GMDS: variants seen among roughly 807,000 people sequenced by gnomAD.
GMDS encodes the protein GDP-mannose 4,6-dehydratase.
GMDS carries 20 observed loss-of-function variants against 49.9 expected under a neutral mutation model. The ratio of observed to expected loss-of-function variants is 0.40; its 90% CI spans 0.28 to 0.58. The LOEUF (loss-of-function observed/expected upper bound fraction) is 0.58. Among genes scored for constraint, GMDS ranks in the 20% least tolerant of loss-of-function variants. The pLI, the probability that GMDS is intolerant of heterozygous loss-of-function variation, is 0.42. For synonymous variants in GMDS, 177 were observed against 178.6 expected, an observed-to-expected ratio of 0.99 and a Z score of 0.07; for missense variants, 362 against 481.4, an observed-to-expected ratio of 0.75 and a Z score of 2.32.
chr6:1,937,549 T>C (rs1321287304), intron 6 of GMDS, among the ~76,000 whole-genome samples: 1 of 152,196 alleles, frequency 6.6e-6, no homozygotes, highest in Non-Finnish European at 1.5e-5. Context: ...TTCGAGAATA[T>C]CTACAGGAGA....
chr6:2,244,829 G>A (rs1414284582), intron 1 of GMDS, among the ~76,000 whole-genome samples: 1 of 152,132 alleles, frequency 6.6e-6, no homozygotes, highest in Non-Finnish European at 1.5e-5. Context: ...TTTCTATCTG[G>A]AAATCCGGTG....
At chr6:2,197,480 G>A (rs902489244) in intron 1 of GMDS, among the ~76,000 whole-genome samples, 5 of 152,202 alleles carry the variant, frequency 3.3e-5, no homozygotes, top group African/African-American at 1.2e-4. Context: ...GTGGTCCCAA[G>A]TAAGTTGCTA....
intron 7 of GMDS, among the ~76,000 whole-genome samples, chr6:1,800,184 C>T (rs1331631901): frequency 6.6e-6 from 1 of 152,020 alleles, no homozygotes; most frequent in African/African-American, 2.4e-5. Flanking sequence ...ATTTAGGTTT[C>T]CAAGGTGAAT....
Position 1,696,012 on chromosome 6 carries a change from T to C in GMDS, c.987+30404A>G, listed in dbSNP as rs561459997. On this transcript the variant is annotated intron_variant, in intron 9 of 10. Transcript: ENST00000380815. Reference sequence around the variant, plus strand: ...CAAGTTGAACCCACGTGGACCAGCTTTGACGATGAAGCTACAGGCAGCCAA... The same window carrying C: ...CAAGTTGAACCCACGTGGACCAGCTCTGACGATGAAGCTACAGGCAGCCAA... 8.0e-4 allele frequency among the ~76,000 whole-genome samples: 121 copies of C among 151,796 alleles called. 1 individual carries two copies. Among genetic ancestry groups the C allele is most frequent in the Non-Finnish European group, 1.5e-3 (100 of 67,930 alleles).
chr6:1,793,087 C>T (rs746884572), intron 7 of GMDS, among the ~76,000 whole-genome samples: 6 of 152,008 alleles, frequency 3.9e-5, no homozygotes, highest in Non-Finnish European at 7.4e-5. Context: ...TTTCTTGATG[C>T]CCTTTCCCTA....
intron 4 of GMDS, among the ~76,000 whole-genome samples, chr6:2,108,348 A>G (rs1345526891): frequency 2.0e-5 from 3 of 152,066 alleles, no homozygotes; most frequent in East Asian, 1.9e-4. Context: ...CTTACAAACC[A>G]CCATGGTGTA....
At chr6:1,939,151 T>C (rs900527960) in intron 6 of GMDS, among the ~76,000 whole-genome samples, 7 of 152,212 alleles carry the variant, frequency 4.6e-5, no homozygotes, top group Non-Finnish European at 7.3e-5. Context: ...TTTTGTAATT[T>C]TATATTCTGA....
At chr6:1,704,739 T>C (rs1765670305) in intron 9 of GMDS, among the ~76,000 whole-genome samples, 1 of 151,974 alleles carries the variant, frequency 6.6e-6, no homozygotes, top group Non-Finnish European at 1.5e-5. Context: ...AGAAGAGAAA[T>C]ACGTAAATTG....
chr6:2,178,484 G>A (rs1778383760), intron 1 of GMDS, among the ~76,000 whole-genome samples: 2 of 146,810 alleles, frequency 1.4e-5, no homozygotes, highest in African/African-American at 5.5e-5. Flanking sequence ...GGTAGGTGGT[G>A]CCATTCATGA....
chr6:1,965,480 TA>T (rs1415647410), intron 4 of GMDS, among the ~76,000 whole-genome samples: 1 of 152,072 alleles, frequency 6.6e-6, no homozygotes, highest in Admixed American at 6.5e-5. Flanking sequence ...GTGGTTTCCT[TA>T]AAAAAAGAAA....
chr6:2,236,111 G>A (rs1781347033), intron 1 of GMDS, among the ~76,000 whole-genome samples: 1 of 152,184 alleles, frequency 6.6e-6, no homozygotes, highest in Non-Finnish European at 1.5e-5. Flanking sequence ...CAAAGCAAAG[G>A]CTGGGCAGGA....
chr6:2,123,340 T>C (rs1775245768), intron 2 of GMDS, among the ~76,000 whole-genome samples: 1 of 152,170 alleles, frequency 6.6e-6, no homozygotes, highest in South Asian at 2.1e-4. Flanking sequence ...AACACTTGCG[T>C]GGTTTTGAGC....
chr6:2,232,239 T>A (rs866706770), intron 1 of GMDS, among the ~76,000 whole-genome samples: 1 of 152,126 alleles, frequency 6.6e-6, no homozygotes, highest in Admixed American at 6.5e-5. Flanking sequence ...AGCCACCATA[T>A]ATCAATCTCA....
At chr6:1,785,100 G>C (rs1769264395) in intron 7 of GMDS, among the ~76,000 whole-genome samples, 1 of 152,164 alleles carries the variant, frequency 6.6e-6, no homozygotes, top group Admixed American at 6.5e-5. Context: ...TAAAGCTATA[G>C]TAACACCTCA....
At chr6:1,738,168 CACATACACACACACATAT>C (rs1767120415) in intron 8 of GMDS, among the ~76,000 whole-genome samples, 1 of 139,338 alleles carries the variant, frequency 7.2e-6, no homozygotes. Context: ...CACACACAGA[CACATACACACACACATAT>C]ACACACATAC....
At chr6:1,785,520 G>A (rs1054193237) in intron 7 of GMDS, among the ~76,000 whole-genome samples, 13 of 152,198 alleles carry the variant, frequency 8.5e-5, no homozygotes, top group Non-Finnish European at 1.6e-4. Context: ...GGTCAGTGCT[G>A]ACCTCCAGGC....
Position 2,170,215 on chromosome 6 carries a change from A to AG in GMDS, c.103-45485_103-45484insC, listed in dbSNP as rs796876533. On this transcript the variant is annotated intron_variant, in intron 1 of 10. Coordinates refer to ENST00000380815, the MANE Select transcript of GMDS (RefSeq NM_001500.4). ...CGAAACTACATCTCAAAAAAAAAAA[A>AG]AGAGAGAAAGAAAGAAAACAGGATT... Among the ~76,000 whole-genome samples, 211 of 152,072 alleles carry AG rather than the reference A, an allele frequency of 1.4e-3. 1 individual carries two copies. The highest frequency in any genetic ancestry group is 4.8e-3 in the African/African-American group (197 of 41,452).
rs1209863906 is a variant in GMDS, at chr6:1,737,772, CAGAT to C, written c.890+4692_890+4695del. On this transcript the variant is annotated intron_variant, in intron 8 of 10. Transcript: ENST00000380815. Reference sequence around the variant, plus strand: ...TACACATACACACACACCACACACACAGATACACATACATACACACATACATACA... The same window carrying C: ...TACACATACACACACACCACACACACACACATACATACACACATACATACA... Among the ~76,000 whole-genome samples the C allele has an allele frequency of 5.1e-5, 7 of 136,284 alleles. No individual in the cohort carries two copies. In the East Asian group the frequency reaches 1.7e-3, roughly 34 times the overall value. 89.4% of individuals were successfully genotyped at this position (136,284 alleles called of 152,430 possible). A position where few individuals can be genotyped will look rare whatever the true frequency, so the allele number is the denominator to read the frequency against.
At chr6:2,140,083 A>G (rs1305894094) in intron 1 of GMDS, among the ~76,000 whole-genome samples, 4 of 152,212 alleles carry the variant, frequency 2.6e-5, no homozygotes, top group Admixed American at 2.6e-4. Flanking sequence ...CATCCTCACC[A>G]CTGAAATCTG....
Sources: gnomAD v4.1 joint callset for allele counts (sites outside exome capture counted in the v4.1 genomes callset) on GRCh38, gnomAD v4.1.1 for gene constraint, MANE v1.5 for transcripts, NCBI Gene and HGNC (gene_info 2026-07-23, HGNC 2026-07-21) for gene names.